KCNJ16: variants seen among roughly 807,000 people sequenced by gnomAD.
KCNJ16 encodes the protein potassium inwardly rectifying channel subfamily J member 16, also known as inward rectifier potassium channel 16.
In KCNJ16, 15 loss-of-function variants were observed where a neutral mutation model predicts 18.5. That is an observed-to-expected ratio of 0.81 (90% CI 0.54 to 1.25). The LOEUF (loss-of-function observed/expected upper bound fraction) is 1.25. KCNJ16 is among the 50% of genes most tolerant of loss of function. The pLI is 0.00. For synonymous variants in KCNJ16, 174 were observed against 186.5 expected (o/e 0.93, Z 0.55); for missense variants, 523 against 525.7 (o/e 0.99, Z 0.05).
At chr17:70,089,621 T>TA (rs1266793202) in intron 1 of KCNJ16, among the ~76,000 whole-genome samples, 7 of 152,196 alleles carry the variant, frequency 4.6e-5, no homozygotes, top group African/African-American at 1.7e-4. Flanking sequence ...CTGTAGTCTA[T>TA]AACCCGAGGG....
In KCNJ16 at chr17:70,135,007, C is replaced by CTCTT. The variant is rs2074179584; in HGVS notation, c.*1664_*1665insCTTT. 1 of 136,744 alleles carries CTCTT rather than the reference C, an allele frequency of 7.3e-6. No individual in the cohort carries two copies. The highest frequency in any genetic ancestry group is 2.2e-4 in the East Asian group (1 of 4,570). The allele number at this position is 136,744 out of a possible 1,614,324, so 8.5% of individuals were successfully genotyped here. A position where few individuals can be genotyped will look rare whatever the true frequency, so the allele number is the denominator to read the frequency against. ...ATCCTTCCCTTTCTCCTTCTTTTCCCTTTTTTTTTTTTTTTTGACCTGGGA... is the reference window on the plus strand; with the variant it reads ...ATCCTTCCCTTTCTCCTTCTTTTCCCTCTTTTTTTTTTTTTTTTTTGACCTGGGA... On this transcript the variant is annotated 3_prime_UTR_variant, in exon 4 of 4. Coordinates refer to ENST00000392671, the MANE Select transcript of KCNJ16 (RefSeq NM_170741.4).
chr17:70,092,682 C>CT (rs1208959984), intron 1 of KCNJ16, among the ~76,000 whole-genome samples: 5 of 152,068 alleles, frequency 3.3e-5, no homozygotes, highest in African/African-American at 9.7e-5. Flanking sequence ...CCATCTGCAG[C>CT]TGGAGAACTA....
intron 2 of KCNJ16, among the ~76,000 whole-genome samples, chr17:70,111,869 A>G (rs1473834837): frequency 6.6e-6 from 1 of 152,142 alleles, no homozygotes; most frequent in Non-Finnish European, 1.5e-5. Context: ...AGACCTCCCC[A>G]GCCACGTGGA....
At chr17:70,117,457 A>T (rs1425161616) in intron 2 of KCNJ16, among the ~76,000 whole-genome samples, 2 of 152,178 alleles carry the variant, frequency 1.3e-5, no homozygotes, top group Non-Finnish European at 2.9e-5. Context: ...AAAGCTGAAA[A>T]AATAATAATA....
intron 2 of KCNJ16, among the ~76,000 whole-genome samples, chr17:70,108,953 G>A (rs891360065): frequency 2.6e-5 from 4 of 152,004 alleles, no homozygotes; most frequent in Non-Finnish European, 4.4e-5. Context: ...GCTCTGGGCC[G>A]TGGGATGGGT....
intron 1 of KCNJ16, among the ~76,000 whole-genome samples, chr17:70,081,592 T>C (rs1012643220): frequency 6.6e-6 from 1 of 152,192 alleles, no homozygotes; most frequent in African/African-American, 2.4e-5. Flanking sequence ...ATATTGTTCG[T>C]GTGTCTCTGC....
intron 1 of KCNJ16, among the ~76,000 whole-genome samples, chr17:70,082,618 T>C (rs1049072883): frequency 1.3e-5 from 2 of 152,220 alleles, no homozygotes; most frequent in Non-Finnish European, 2.9e-5. Flanking sequence ...ACCAAAAACA[T>C]GACAATTGCT....
chr17:70,116,272 T>C (rs2073401112), intron 2 of KCNJ16, among the ~76,000 whole-genome samples: 1 of 152,186 alleles, frequency 6.6e-6, no homozygotes, highest in Non-Finnish European at 1.5e-5. Flanking sequence ...TTCTACTCCA[T>C]TACTTTTAAT....
At chr17:70,095,535 C>T (rs8070530) in intron 1 of KCNJ16, among the ~76,000 whole-genome samples, 129,149 of 152,174 alleles carry the variant, frequency 0.85, 54,881 homozygotes, top group East Asian at 0.96. Flanking sequence ...CTTTTCTACT[C>T]TTTCTACTAT....
chr17:70,109,735 G>A (rs967962497), intron 2 of KCNJ16, among the ~76,000 whole-genome samples: 1 of 152,128 alleles, frequency 6.6e-6, no homozygotes, highest in African/African-American at 2.4e-5. Flanking sequence ...CTTGGCTTTC[G>A]ACCTTAGAAG....
intron 3 of KCNJ16, chr17:70,131,493 C>G (rs1399674876): frequency 1.0e-6 from 1 of 996,374 alleles, no homozygotes; most frequent in East Asian, 1.1e-4. Flanking sequence ...GAGGGATTAC[C>G]TATTACACTA....
At chr17:70,078,069 A>G (rs1232539172) in intron 1 of KCNJ16, among the ~76,000 whole-genome samples, 2 of 152,040 alleles carry the variant, frequency 1.3e-5, no homozygotes, top group Non-Finnish European at 2.9e-5. Context: ...GGATGACTTT[A>G]TTTTTTTGTA....
Position 70,132,010 on chromosome 17 carries a change from C to T in KCNJ16, c.-78C>T. On this transcript the variant is annotated 5_prime_UTR_variant, in exon 4 of 4. Transcript: ENST00000392671. ...TGTTTTTTAGGTTCTAACTGAAAACCCAAACCAAGAAATAGCAACAAGTCT... is the reference window on the plus strand; with the variant it reads ...TGTTTTTTAGGTTCTAACTGAAAACTCAAACCAAGAAATAGCAACAAGTCT... The T allele has an allele frequency of 6.3e-7, 1 of 1,590,046 alleles. No homozygotes were observed. The highest frequency in any genetic ancestry group is 8.6e-7 in the Non-Finnish European group (1 of 1,168,342).
In KCNJ16 at chr17:70,079,633, G is replaced by A. The variant is rs112677176; in HGVS notation, c.-300+4243G>A. ...TATAAATATTAAATTTCATAAAATG[G>A]ATCTGCCTAAAAATACCATCATTTG... On this transcript the variant is annotated intron_variant, in intron 1 of 3. Coordinates refer to ENST00000392671, the MANE Select transcript of KCNJ16 (RefSeq NM_170741.4). Among the ~76,000 whole-genome samples the A allele has an allele frequency of 8.7e-3, 1,330 of 152,172 alleles. 7 individuals carry two copies. The highest frequency in any genetic ancestry group is 0.022 in the African/African-American group (902 of 41,514).
At chr17:70,092,147 C>T (rs1191680222) in intron 1 of KCNJ16, among the ~76,000 whole-genome samples, 1 of 152,074 alleles carries the variant, frequency 6.6e-6, no homozygotes, top group Non-Finnish European at 1.5e-5. Context: ...TTTTATGAGT[C>T]TTAGTTTCCA....
intron 2 of KCNJ16, among the ~76,000 whole-genome samples, chr17:70,109,202 T>C (rs916564595): frequency 2.6e-5 from 4 of 152,144 alleles, no homozygotes; most frequent in Non-Finnish European, 5.9e-5. Flanking sequence ...TGGCTTTTTT[T>C]CCCCAACATG....
At chr17:70,095,508 T>C (rs893967942) in intron 1 of KCNJ16, among the ~76,000 whole-genome samples, 11 of 152,206 alleles carry the variant, frequency 7.2e-5, no homozygotes, top group Non-Finnish European at 1.3e-4. Context: ...CAGCTTTTGA[T>C]CAGGGCAAAC....
intron 1 of KCNJ16, among the ~76,000 whole-genome samples, chr17:70,080,905 T>C (rs372056823): frequency 1.3e-5 from 2 of 152,230 alleles, no homozygotes; most frequent in African/African-American, 4.8e-5. Context: ...GATTTTCCTA[T>C]ACTGAAGACA....
intron 2 of KCNJ16, among the ~76,000 whole-genome samples, chr17:70,106,210 C>T (rs9890244): frequency 0.18 from 27,414 of 152,018 alleles, 3,385 homozygotes; most frequent in African/African-American, 0.36. Context: ...ACAAATATGG[C>T]TCAAAATTAT....
Sources: gnomAD v4.1 joint callset for allele counts (sites outside exome capture counted in the v4.1 genomes callset) on GRCh38, gnomAD v4.1.1 for gene constraint, MANE v1.5 for transcripts, NCBI Gene and HGNC (gene_info 2026-07-23, HGNC 2026-07-21) for gene names.